Variants in GRB10 observed in about 807,000 individuals in gnomAD.
The protein encoded by GRB10 is growth factor receptor-bound protein 10.
Under a neutral mutation model 80.9 loss-of-function variants are expected in GRB10, and 20 were observed. The ratio of observed to expected loss-of-function variants is 0.25; its 90% CI spans 0.17 to 0.36. GRB10 has a LOEUF of 0.36. Ranked by LOEUF, GRB10 falls within the 10% of genes least tolerant of loss-of-function variation. GRB10 has a pLI of 1.00. For synonymous variants in GRB10, 291 were observed against 291.5 expected (o/e 1.00, Z 0.02); for missense variants, 548 against 747.7 (o/e 0.73, Z 3.12).
At chr7:50,665,812 C>T (rs1200218504) in intron 7 of GRB10, among the ~76,000 whole-genome samples, 4 of 152,182 alleles carry the variant, frequency 2.6e-5, no homozygotes, top group Admixed American at 6.5e-5. Flanking sequence ...GGCTGTCAGA[C>T]GGTGACATCC....
intron 4 of GRB10, among the ~76,000 whole-genome samples, chr7:50,715,749 T>C (rs1031828682): frequency 5.3e-5 from 8 of 152,164 alleles, no homozygotes; most frequent in African/African-American, 1.9e-4. Context: ...TAAAATAATA[T>C]CATGGGTGAC....
At chr7:50,746,865 G>A (rs967678430) in intron 3 of GRB10, among the ~76,000 whole-genome samples, 14 of 152,046 alleles carry the variant, frequency 9.2e-5, no homozygotes, top group Non-Finnish European at 4.4e-5. Flanking sequence ...CTCAATTCAT[G>A]ACCTCTTCCT....
intron 7 of GRB10, among the ~76,000 whole-genome samples, chr7:50,655,008 T>G (rs2058483946): frequency 6.6e-6 from 1 of 152,214 alleles, no homozygotes; most frequent in Non-Finnish European, 1.5e-5. Context: ...CATGATTCAG[T>G]CCAGGACCCA....
intron 7 of GRB10, among the ~76,000 whole-genome samples, chr7:50,629,619 C>T (rs2053626437): frequency 6.6e-6 from 1 of 152,226 alleles, no homozygotes; most frequent in African/African-American, 2.4e-5. Flanking sequence ...CTGTGTATAC[C>T]AGCCATCTCA....
chr7:50,631,307 G>C (rs138385068), intron 7 of GRB10, among the ~76,000 whole-genome samples: 1 of 151,704 alleles, frequency 6.6e-6, no homozygotes, highest in Non-Finnish European at 1.5e-5. Flanking sequence ...TGTCCTCTTC[G>C]AGCCCTCTGC....
chr7:50,788,354 C>T (rs1026642937), intron 1 of GRB10, among the ~76,000 whole-genome samples: 21 of 152,238 alleles, frequency 1.4e-4, no homozygotes, highest in African/African-American at 4.8e-4. Context: ...TCCTGACCCT[C>T]GACTCCCATG....
At chr7:50,683,480 T>G (rs2061757246) in intron 5 of GRB10, among the ~76,000 whole-genome samples, 1 of 152,232 alleles carries the variant, frequency 6.6e-6, no homozygotes, top group Non-Finnish European at 1.5e-5. Context: ...CTCACGCCTG[T>G]AATCCCAGCA....
intron 7 of GRB10, among the ~76,000 whole-genome samples, chr7:50,661,571 C>T (rs1469168568): frequency 2.0e-5 from 3 of 152,188 alleles, no homozygotes; most frequent in Non-Finnish European, 4.4e-5. Context: ...TTTTCTTCAC[C>T]GGCACTCTTC....
chr7:50,689,200 G>T (rs116363201), intron 5 of GRB10, among the ~76,000 whole-genome samples: 1,934 of 152,304 alleles, frequency 0.013, 45 homozygotes, highest in African/African-American at 0.044. Flanking sequence ...AGTAGCTGGG[G>T]TGCTGCAGGG....
intron 7 of GRB10, among the ~76,000 whole-genome samples, chr7:50,642,339 T>C (rs919337293): frequency 2.6e-4 from 39 of 151,552 alleles, no homozygotes; most frequent in African/African-American, 8.5e-4. Flanking sequence ...CACATATGCA[T>C]ACAGATACAC....
intron 3 of GRB10, among the ~76,000 whole-genome samples, chr7:50,741,171 G>A (rs1471557201): frequency 2.6e-5 from 4 of 152,114 alleles, no homozygotes; most frequent in Admixed American, 6.5e-5. Context: ...AGGAGAAAAC[G>A]AGGAAAACTA....
chr7:50,672,672 C>T (rs1433595723), intron 6 of GRB10, among the ~76,000 whole-genome samples: 4 of 152,112 alleles, frequency 2.6e-5, no homozygotes, highest in South Asian at 2.1e-4. Context: ...AGCCAGAACT[C>T]GAGGTTCAAG....
chr7:50,732,825 T>G lies in GRB10; in HGVS notation c.-46-457A>C, dbSNP rs111912100. Among the ~76,000 whole-genome samples, 749 of 152,294 alleles carry G rather than the reference T, an allele frequency of 4.9e-3. 1 individual carries two copies. Among genetic ancestry groups the G allele is most frequent in the Non-Finnish European group, 8.2e-3 (557 of 68,028 alleles). On this transcript the variant is annotated intron_variant, in intron 3 of 18. Transcript: ENST00000401949. The stretch of plus-strand genomic sequence containing the variant: ...CACAGAACATCATTTGAGTGAACAC[T>G]AGCTCCACAAGCCATAGAACAAATC...
chr7:50,735,938 A>T (rs988897310), intron 3 of GRB10, among the ~76,000 whole-genome samples: 11 of 152,372 alleles, frequency 7.2e-5, no homozygotes, highest in African/African-American at 2.6e-4. Flanking sequence ...GGACCTGAAC[A>T]GCCAAAACAA....
In GRB10 at chr7:50,782,630, G is replaced by C. The variant is rs1271965851; in HGVS notation, c.-533C>G. 6.6e-6 allele frequency: 1 copy of C among 151,520 alleles called. No homozygotes were observed. The highest frequency in any genetic ancestry group is 1.5e-5 in the Non-Finnish European group (1 of 67,844). 9.4% of individuals were successfully genotyped at this position (151,520 alleles called of 1,614,324 possible). A position where few individuals can be genotyped will look rare whatever the true frequency, so the allele number is the denominator to read the frequency against. ...GCAGAAAACCGACCCGGGGCCTCGGGGCCACCGCGCGCCAGGCGAACGCGC... is the reference window on the plus strand; with the variant it reads ...GCAGAAAACCGACCCGGGGCCTCGGCGCCACCGCGCGCCAGGCGAACGCGC... On this transcript the variant is annotated 5_prime_UTR_variant, in exon 1 of 19. Coordinates refer to ENST00000401949, the MANE Select transcript of GRB10 (RefSeq NM_001350814.2). The surrounding 1 kb of genome is among the most constrained non-coding windows in gnomAD (Gnocchi z 6.6).
At chr7:50,698,839 T>C (rs887360365) in intron 5 of GRB10, among the ~76,000 whole-genome samples, 2 of 152,254 alleles carry the variant, frequency 1.3e-5, no homozygotes, top group Non-Finnish European at 2.9e-5. Context: ...GTGACAAAAC[T>C]GTTAAGAATT....
intron 7 of GRB10, among the ~76,000 whole-genome samples, chr7:50,630,738 G>C (rs1271730619): frequency 6.6e-6 from 1 of 152,192 alleles, no homozygotes; most frequent in Non-Finnish European, 1.5e-5. Flanking sequence ...CAATATTAAA[G>C]AGGGCATAAT....
intron 8 of GRB10, among the ~76,000 whole-genome samples, chr7:50,621,942 A>G (rs1291476312): frequency 1.3e-5 from 2 of 152,134 alleles, no homozygotes; most frequent in African/African-American, 4.8e-5. Flanking sequence ...CTAAAGTGTG[A>G]CTCCTCGGCA....
intron 7 of GRB10, among the ~76,000 whole-genome samples, chr7:50,657,754 G>T (rs1239424322): frequency 6.6e-6 from 1 of 152,226 alleles, no homozygotes; most frequent in East Asian, 1.9e-4. Context: ...TTCCCACACA[G>T]GGACTATGTC....
Sources: allele counts gnomAD v4.1 joint callset (sites outside exome capture counted in the v4.1 genomes callset), GRCh38; gene constraint gnomAD v4.1.1; non-coding constraint Gnocchi (gnomAD v3.1); transcripts MANE v1.5; gene names NCBI Gene and HGNC (gene_info 2026-07-23, HGNC 2026-07-21).